The following VANGL1 variants were observed in gnomAD, a reference collection of about 807,000 sequenced individuals.
VANGL1 encodes the protein VANGL planar cell polarity protein 1, also known as vang-like protein 1.
Under a neutral mutation model 48.4 loss-of-function variants are expected in VANGL1, and 18 were observed. The ratio of observed to expected loss-of-function variants is 0.37; its 90% CI spans 0.26 to 0.55. VANGL1 has a LOEUF of 0.55. VANGL1 is among the 20% of genes least tolerant of loss of function. VANGL1 has a pLI of 0.81. For missense variants in VANGL1, 667 were observed against 675.8 expected (o/e 0.99, Z 0.14); for synonymous variants, 257 against 261.8 (o/e 0.98, Z 0.18).
At chr1:115,673,710 C>T (rs1350478483) in intron 4 of VANGL1, among the ~76,000 whole-genome samples, 1 of 151,490 alleles carries the variant, frequency 6.6e-6, no homozygotes, top group Non-Finnish European at 1.5e-5. Context: ...AGCAATTCTC[C>T]TGCCTCAGCC....
At chr1:115,652,244 T>C (rs534524179) in intron 2 of VANGL1, among the ~76,000 whole-genome samples, 11 of 152,338 alleles carry the variant, frequency 7.2e-5, no homozygotes, top group African/African-American at 2.6e-4. Context: ...TCCTGAGTGA[T>C]ATTGGTCAAA....
chr1:115,680,831 G>A (rs1285547960), intron 4 of VANGL1, among the ~76,000 whole-genome samples: 3 of 152,204 alleles, frequency 2.0e-5, no homozygotes, highest in Non-Finnish European at 4.4e-5. Flanking sequence ...TTGGAACACA[G>A]TGTGGTCATC....
intron 1 of VANGL1, among the ~76,000 whole-genome samples, chr1:115,644,684 A>T (rs1316790066): frequency 6.6e-6 from 1 of 152,196 alleles, no homozygotes; most frequent in Non-Finnish European, 1.5e-5. Context: ...TACTCATGAG[A>T]TCTATTTTTC....
chr1:115,667,177 T>C (rs1652825070), intron 4 of VANGL1, among the ~76,000 whole-genome samples: 1 of 152,190 alleles, frequency 6.6e-6, no homozygotes, highest in South Asian at 2.1e-4. Flanking sequence ...TGCCAAGCGA[T>C]GGTGAGTTCT....
At chr1:115,686,864 T>TGAAAGTAAAGGGTCACACGAGA (rs879755779) in intron 7 of VANGL1, among the ~76,000 whole-genome samples, 1 of 140,920 alleles carries the variant, frequency 7.1e-6, no homozygotes. Context: ...TGTTTACTGT[T>TGAAAGTAAAGGGTCACACGAGA]GTATCAATGA....
rs772133287 is a variant in VANGL1, at chr1:115,667,698, G to A, written c.812+3430G>A. ...GTCATTTTCCATACACACCTTGCTCGTCACTTTTCTTGGCCCCGTTCTCAC... is the reference window on the plus strand; with the variant it reads ...GTCATTTTCCATACACACCTTGCTCATCACTTTTCTTGGCCCCGTTCTCAC... On this transcript the variant is annotated intron_variant, in intron 4 of 7. Coordinates refer to ENST00000355485, the MANE Select transcript of VANGL1 (RefSeq NM_138959.3). Among the ~76,000 whole-genome samples the A allele has an allele frequency of 4.6e-5, 7 of 152,182 alleles. No homozygotes were observed. The South Asian group carries it at 6.2e-4, about 14-fold the overall frequency.
At chr1:115,648,970 A>C (rs1394739479) in intron 1 of VANGL1, among the ~76,000 whole-genome samples, 1 of 152,208 alleles carries the variant, frequency 6.6e-6, no homozygotes, top group Non-Finnish European at 1.5e-5. Flanking sequence ...TTGAATCTGC[A>C]GATCAGCAGA....
intron 1 of VANGL1, chr1:115,642,482 C>T (rs932154984): frequency 6.6e-6 from 1 of 152,360 alleles, no homozygotes; most frequent in Non-Finnish European, 1.5e-5. Flanking sequence ...CAGGGAGTGG[C>T]CGAGCGTTGG....
chr1:115,689,716 G>A (rs1202519237), intron 7 of VANGL1, among the ~76,000 whole-genome samples: 1 of 137,436 alleles, frequency 7.3e-6, no homozygotes, highest in Non-Finnish European at 1.6e-5. Context: ...CAACACTTTG[G>A]GAGGCCAGGC....
chr1:115,659,455 AG>A (rs1652463007), intron 2 of VANGL1, among the ~76,000 whole-genome samples, 185 bp from the exon 3 acceptor site: 3 of 151,964 alleles, frequency 2.0e-5, no homozygotes, highest in Admixed American at 6.6e-5. Context: ...TAGGGAGTAA[AG>A]ATCAGTGTAC....
chr1:115,680,254 C>G (rs1400173488), intron 4 of VANGL1, among the ~76,000 whole-genome samples: 4 of 152,094 alleles, frequency 2.6e-5, no homozygotes, highest in Non-Finnish European at 5.9e-5. Flanking sequence ...AGTCCGCCTC[C>G]TCAGGAAGGC....
chr1:115,687,982 A>AT (rs1186763846), intron 7 of VANGL1, among the ~76,000 whole-genome samples: 1 of 134,278 alleles, frequency 7.4e-6, no homozygotes, highest in Non-Finnish European at 1.6e-5. Context: ...AGATAGATAG[A>AT]TAGATAGACA....
At chr1:115,662,908 TC>T (rs1217172110) in intron 3 of VANGL1, among the ~76,000 whole-genome samples, 1 of 151,848 alleles carries the variant, frequency 6.6e-6, no homozygotes, top group African/African-American at 2.4e-5. Flanking sequence ...TGCCTCAGCC[TC>T]CTGAGTAGCT....
chr1:115,666,419 A>G (rs1248208107), intron 4 of VANGL1, among the ~76,000 whole-genome samples: 3 of 152,168 alleles, frequency 2.0e-5, no homozygotes, highest in Non-Finnish European at 4.4e-5. Context: ...CGTGTTCAGA[A>G]AGCATGATTA....
At position 115,691,456 on chromosome 1, in the gene VANGL1, C is replaced by A; in HGVS notation, c.*77C>A. 6.8e-7 allele frequency: 1 copy of A among 1,477,482 alleles called. No homozygotes were observed. Among genetic ancestry groups the A allele is most frequent in the South Asian group, 1.3e-5 (1 of 74,616 alleles). The allele number at this position is 1,477,482 out of a possible 1,614,324, so 91.5% of individuals were successfully genotyped here. ...ATATATATCTATGCCAGAGGGGTGT[C>A]TTTTTTAAAAATTCTTCTTCATTGC... On this transcript the variant is annotated 3_prime_UTR_variant, in exon 8 of 8. Coordinates refer to ENST00000355485, the MANE Select transcript of VANGL1 (RefSeq NM_138959.3).
At chr1:115,678,297 A>G (rs567701188) in intron 4 of VANGL1, among the ~76,000 whole-genome samples, 12 of 152,176 alleles carry the variant, frequency 7.9e-5, no homozygotes, top group Non-Finnish European at 1.3e-4. Context: ...GGTTCCTTCC[A>G]TATTTGGAGG....
At chr1:115,680,603 T>A (rs1005813545) in intron 4 of VANGL1, among the ~76,000 whole-genome samples, 12 of 152,240 alleles carry the variant, frequency 7.9e-5, no homozygotes. Flanking sequence ...AAGTACCAAC[T>A]GAATGCGGGC....
intron 4 of VANGL1, among the ~76,000 whole-genome samples, chr1:115,673,922 C>A (rs1199170081): frequency 6.6e-6 from 1 of 152,022 alleles, no homozygotes; most frequent in African/African-American, 2.4e-5. Context: ...TATACGGATA[C>A]CAGAATGACT....
chr1:115,692,970 A>G lies in VANGL1; in HGVS notation c.*1591A>G, dbSNP rs1191467719. The G allele has an allele frequency of 6.6e-6, 1 of 152,230 alleles. No homozygotes were observed. Among genetic ancestry groups the G allele is most frequent in the Non-Finnish European group, 1.5e-5 (1 of 68,046 alleles). The allele number at this position is 152,230 out of a possible 1,614,324, so 9.4% of individuals were successfully genotyped here. ...CCCTTACTGCTTCATACACTCCACA[A>G]GTGGTACAGTATTTTGTGTCATTGT... On this transcript the variant is annotated 3_prime_UTR_variant, in exon 8 of 8. Coordinates refer to ENST00000355485, the MANE Select transcript of VANGL1 (RefSeq NM_138959.3).
Sources: gnomAD v4.1 joint callset for allele counts (sites outside exome capture counted in the v4.1 genomes callset) on GRCh38, gnomAD v4.1.1 for gene constraint, MANE v1.5 for transcripts, NCBI Gene and HGNC (gene_info 2026-07-23, HGNC 2026-07-21) for gene names.